DNAJC10: variants seen among roughly 807,000 people sequenced by gnomAD.
DNAJC10 encodes the protein DnaJ heat shock protein family (Hsp40) member C10.
A neutral mutation model predicts 115.0 loss-of-function variants in DNAJC10; 101 were observed. That is an observed-to-expected ratio of 0.88 (90% CI 0.75 to 1.04). The LOEUF (loss-of-function observed/expected upper bound fraction) is 1.04, where lower values mean the gene tolerates loss of function less well. DNAJC10 is among the 50% of genes least tolerant of loss of function. The pLI is 0.00. For synonymous variants in DNAJC10, 307 were observed against 301.5 expected (o/e 1.02, Z -0.19); for missense variants, 981 against 928.8 (o/e 1.06, Z -0.73).
chr2:182,774,600 C>T (rs1470213006), intron 22 of DNAJC10, among the ~76,000 whole-genome samples: 1 of 152,238 alleles, frequency 6.6e-6, no homozygotes, highest in South Asian at 2.1e-4. Flanking sequence ...ACAGTTCAAT[C>T]TTAGACTGCT....
intron 22 of DNAJC10, among the ~76,000 whole-genome samples, chr2:182,774,824 C>G (rs879931779): frequency 1.4e-3 from 210 of 152,326 alleles, no homozygotes; most frequent in Admixed American, 3.3e-3. Context: ...AACACCCCCC[C>G]CAATCCCCGC....
rs1490648578 is a variant in DNAJC10, at chr2:182,751,767, T to C, written c.1416T>C (p.Leu472=). 1 of 1,613,516 alleles carries C rather than the reference T, an allele frequency of 6.2e-7. No individual in the cohort carries two copies. Among genetic ancestry groups the C allele is most frequent in the Non-Finnish European group, 8.5e-7 (1 of 1,179,880 alleles). The change falls in exon 15 of 24, where the codon CTT becomes CTC. Residue 472 remains leucine (L), a synonymous_variant. Coordinates refer to ENST00000264065, the MANE Select transcript of DNAJC10 (RefSeq NM_018981.4). ...NFPANDKEPW[L]VDFFAPWCPP... ...CTGCCAATGACAAAGAACCATGGCT[T>C]GTTGATTTCTTTGCCCCCGTAAGTT...
At chr2:182,774,836 C>T (rs1328588585) in intron 22 of DNAJC10, among the ~76,000 whole-genome samples, 2 of 152,242 alleles carry the variant, frequency 1.3e-5, no homozygotes, top group Non-Finnish European at 2.9e-5. Context: ...AATCCCCGCC[C>T]TGGCGTCTTC....
In DNAJC10 at chr2:182,740,309, C is replaced by A; in HGVS notation, c.998C>A (p.Ser333Ter). The A allele has an allele frequency of 1.4e-6, 2 of 1,474,876 alleles. No homozygotes were observed. Among genetic ancestry groups the A allele is most frequent in the South Asian group, 1.4e-5 (1 of 73,592 alleles). The allele number at this position is 1,474,876 out of a possible 1,614,324, so 91.4% of individuals were successfully genotyped here. A position where few individuals can be genotyped will look rare whatever the true frequency, so the allele number is the denominator to read the frequency against. The change falls in exon 12 of 24, where the codon TCA (serine) becomes TAA (stop). Residue 333 changes from serine to a stop codon, truncating the protein, a stop_gained. Transcript: ENST00000264065. LOFTEE classifies it high-confidence loss of function. Reference protein sequence around the residue: ...KEKNSILFLNSLDAKEIYLEV... With the variant: ...KEKNSILFLN ...ATTTTCTTTTTCTAGTTTCTCAACT[C>A]ATTGGATGCTAAAGAAATATATTTG...
intron 5 of DNAJC10, among the ~76,000 whole-genome samples, chr2:182,726,885 C>T (rs1693298845): frequency 1.4e-5 from 2 of 145,866 alleles, no homozygotes; most frequent in Non-Finnish European, 2.9e-5. Context: ...GCATGTGCCA[C>T]CATGTCCAGC....
chr2:182,750,882 AT>A (rs1273757985), intron 14 of DNAJC10, among the ~76,000 whole-genome samples: 1 of 152,158 alleles, frequency 6.6e-6, no homozygotes, highest in Non-Finnish European at 1.5e-5. Flanking sequence ...GTGGTCCACC[AT>A]TGCCTGAAAT....
intron 16 of DNAJC10, among the ~76,000 whole-genome samples, chr2:182,753,579 G>GTTTTT (rs56151760): frequency 0.017 from 1,735 of 99,292 alleles, 62 homozygotes; most frequent in Middle Eastern, 0.02. Context: ...CTTTAGTTTA[G>GTTTTT]TTTTTTTTTT....
chr2:182,753,708 G>A (rs946204011), intron 16 of DNAJC10, among the ~76,000 whole-genome samples: 8 of 149,146 alleles, frequency 5.4e-5, no homozygotes, highest in Non-Finnish European at 1.0e-4. Context: ...TTAGCCTGCC[G>A]AGTAGGTGGG....
At position 182,760,926 on chromosome 2, in the gene DNAJC10, AT is replaced by A. The variant is rs1259637224; in HGVS notation, c.2145+1622del. Among the ~76,000 whole-genome samples, 4 of 151,870 alleles carry A rather than the reference AT, an allele frequency of 2.6e-5. No homozygotes were observed. In the Admixed American group the frequency reaches 2.6e-4, roughly 10 times the overall value. On this transcript the variant is annotated intron_variant, in intron 21 of 23. Coordinates refer to ENST00000264065, the MANE Select transcript of DNAJC10 (RefSeq NM_018981.4). The stretch of plus-strand genomic sequence containing the variant: ...TTCTGTAATAATTCTGCTTTACTCC[AT>A]TTCTCATGTACTAAAAACTTTAGTT...
chr2:182,742,685 A>T (rs1019766788), intron 13 of DNAJC10, among the ~76,000 whole-genome samples: 1 of 152,178 alleles, frequency 6.6e-6, no homozygotes, highest in Admixed American at 6.5e-5. Flanking sequence ...GTGATATGTT[A>T]ACAATATTCA....
In DNAJC10 at chr2:182,793,069, T is replaced by A. The variant is rs1695080855; in HGVS notation, c.*15937T>A. ...AATAGGGTGGACAGGGCAGGTCTCT[T>A]GGAGAAGATGCCATTGAAGGAGGTG... On this transcript the variant is annotated 3_prime_UTR_variant, in exon 24 of 24. Transcript: ENST00000264065. 1 of 152,422 alleles carries A rather than the reference T, an allele frequency of 6.6e-6. No homozygotes were observed. The highest frequency in any genetic ancestry group is 6.6e-5 in the Admixed American group (1 of 15,256). The allele number at this position is 152,422 out of a possible 1,614,324, so 9.4% of individuals were successfully genotyped here.
intron 22 of DNAJC10, among the ~76,000 whole-genome samples, chr2:182,769,574 C>T (rs1300862124): frequency 1.3e-5 from 2 of 152,188 alleles, no homozygotes; most frequent in Non-Finnish European, 2.9e-5. Flanking sequence ...CTTTGATGAC[C>T]AGTGATGATG....
chr2:182,723,767 T>C (rs914975627), intron 5 of DNAJC10, among the ~76,000 whole-genome samples: 1 of 152,226 alleles, frequency 6.6e-6, no homozygotes. Flanking sequence ...AGTTATATTG[T>C]ATATGGGTTC....
At chr2:182,721,969 T>G (rs1693161341) in intron 4 of DNAJC10, 56 bp from the exon 5 acceptor site, 1 of 1,009,792 alleles carries the variant, frequency 9.9e-7, no homozygotes, top group South Asian at 1.6e-5. Flanking sequence ...ATTTTTATGT[T>G]GCAATTTATA....
chr2:182,729,963 G>A, intron 8 of DNAJC10, 22 bp downstream of exon 8: 1 of 1,503,440 alleles, frequency 6.7e-7, no homozygotes, highest in Middle Eastern at 1.7e-4. Flanking sequence ...TTCTTAATTT[G>A]CTTGATTTTC....
intron 16 of DNAJC10, among the ~76,000 whole-genome samples, chr2:182,754,407 A>G (rs1359695459): frequency 6.6e-6 from 1 of 152,216 alleles, no homozygotes; most frequent in Non-Finnish European, 1.5e-5. Flanking sequence ...TAAAAGCTTT[A>G]GAGAGAGGCT....
Position 182,775,336 on chromosome 2 carries a change from GATAA to G in DNAJC10, c.2290_2293del (p.Asn764ProfsTer10). 1 of 1,610,442 alleles carries G rather than the reference GATAA, an allele frequency of 6.2e-7. No individual in the cohort carries two copies. The highest frequency in any genetic ancestry group is 8.5e-7 in the Non-Finnish European group (1 of 1,177,354). Reference sequence around the variant, plus strand: ...TTTAGAGAAATTTTCAAGAAGAGCAGATAAATACCAGAGATGCAAAAGCAATCGC... The same window carrying G: ...TTTAGAGAAATTTTCAAGAAGAGCAGATACCAGAGATGCAAAAGCAATCGC... On this transcript the variant is annotated frameshift_variant, in exon 23 of 24. Transcript: ENST00000264065. LOFTEE classifies it high-confidence loss of function.
intron 22 of DNAJC10, among the ~76,000 whole-genome samples, chr2:182,766,284 C>A (rs546273062): frequency 2.6e-5 from 4 of 152,204 alleles, no homozygotes; most frequent in African/African-American, 9.6e-5. Flanking sequence ...TAGAGCATCA[C>A]CTTGAGCATT....
chr2:182,740,637 A>G (rs1053260566), intron 12 of DNAJC10, among the ~76,000 whole-genome samples: 1 of 152,182 alleles, frequency 6.6e-6, no homozygotes, highest in Non-Finnish European at 1.5e-5. Context: ...GAACATCAGA[A>G]AAGGCAGAAT....
Sources: gnomAD v4.1 joint callset for allele counts (sites outside exome capture counted in the v4.1 genomes callset) on GRCh38, gnomAD v4.1.1 for gene constraint, MANE v1.5 for transcripts, NCBI Gene and HGNC (gene_info 2026-07-23, HGNC 2026-07-21) for gene names.